The following TENM4 variants were observed in gnomAD, a reference collection of about 807,000 sequenced individuals.
TENM4 encodes the protein teneurin transmembrane protein 4, also known as teneurin-4.
A neutral mutation model predicts 243.3 loss-of-function variants in TENM4; 82 were observed. That is an observed-to-expected ratio of 0.34 (90% CI 0.28 to 0.40). TENM4 has a LOEUF of 0.40. Among genes scored for constraint, TENM4 ranks in the 10% least tolerant of loss-of-function variants. The probability of loss-of-function intolerance (pLI) is 1.00; values close to 1 mark genes in which losing one functional copy is unlikely to be tolerated. For missense variants in TENM4, 3,138 were observed against 3,673.3 expected, an observed-to-expected ratio of 0.85 and a Z score of 3.77; for synonymous variants, 1,412 against 1,456.3, an observed-to-expected ratio of 0.97 and a Z score of 0.69.
intron 1 of TENM4, among the ~76,000 whole-genome samples, chr11:79,400,099 CCA>C (rs71050221): frequency 0.048 from 6,681 of 140,578 alleles, 226 homozygotes; most frequent in East Asian, 0.088. Flanking sequence ...TAAACACACA[CCA>C]CACACACACA....
intron 4 of TENM4, among the ~76,000 whole-genome samples, chr11:79,072,191 A>G (rs1860431018): frequency 6.6e-6 from 1 of 152,296 alleles, no homozygotes; most frequent in South Asian, 2.1e-4. Context: ...CATAATTAGA[A>G]AAACATATTA....
chr11:79,298,729 G>A (rs573015644), intron 1 of TENM4, among the ~76,000 whole-genome samples: 9 of 152,068 alleles, frequency 5.9e-5, no homozygotes, highest in Non-Finnish European at 1.0e-4. Context: ...GAGTTTACAG[G>A]GAAGAAAACT....
chr11:79,064,586 C>T (rs1418658765), intron 6 of TENM4, 152 bp downstream of exon 6: 14 of 1,055,486 alleles, frequency 1.3e-5, no homozygotes, highest in Non-Finnish European at 1.9e-5. Flanking sequence ...TCACGTGACT[C>T]TCCAAGAGAC....
At chr11:79,369,470 G>A (rs1857741232) in intron 1 of TENM4, among the ~76,000 whole-genome samples, 1 of 152,142 alleles carries the variant, frequency 6.6e-6, no homozygotes, top group South Asian at 2.1e-4. Flanking sequence ...AAGAAATGGA[G>A]AGGAACAGAG....
intron 29 of TENM4, among the ~76,000 whole-genome samples, chr11:78,685,848 G>A (rs537868505): frequency 8.8e-4 from 134 of 152,346 alleles, no homozygotes; most frequent in Non-Finnish European, 1.1e-3. Flanking sequence ...AATCCAGTCA[G>A]AGCATAAATC....
chr11:79,126,676 G>A lies in TENM4; in HGVS notation c.-66+22034C>T, dbSNP rs185300950. Among the ~76,000 whole-genome samples, 445 of 152,212 alleles carry A rather than the reference G, an allele frequency of 2.9e-3. 3 individuals are homozygous for A. The highest frequency in any genetic ancestry group is 0.01 in the African/African-American group (418 of 41,550). ...GGTCGAATGGACAAAAGACTAATTT[G>A]AATAATAAAAAAACAGAGAATCATG... On this transcript the variant is annotated intron_variant, in intron 4 of 33. Coordinates refer to ENST00000278550, the MANE Select transcript of TENM4 (RefSeq NM_001098816.3).
At chr11:78,776,822 A>G (rs533382115) in intron 17 of TENM4, among the ~76,000 whole-genome samples, 1 of 152,170 alleles carries the variant, frequency 6.6e-6, no homozygotes, top group South Asian at 2.1e-4. Context: ...CTTCCCAGTA[A>G]GGGTGCCAGT....
chr11:79,295,858 G>GT (rs59506832), intron 2 of TENM4, among the ~76,000 whole-genome samples: 22 of 146,150 alleles, frequency 1.5e-4, no homozygotes, highest in Admixed American at 2.7e-4. Context: ...ACCCGTAAGT[G>GT]TTTTTTTTTT....
At position 78,722,806 on chromosome 11, in the gene TENM4, T is replaced by C. The variant is rs543381484; in HGVS notation, c.3662A>G (p.Asn1221Ser). Residue 1221 changes from asparagine to serine, a missense_variant, in exon 24 of 34, where the codon AAC becomes AGC. Transcript: ENST00000278550. ...RRRSISCPSCNGLADGNKLLA... is the reference protein window; with the variant it reads ...RRRSISCPSCSGLADGNKLLA... The stretch of plus-strand genomic sequence containing the variant: ...GAGCTTGTTGCCGTCAGCAAGGCCG[T>C]TGCAGCTGGGGCAGGAGATGCTTCT... The C allele has an allele frequency of 5.6e-6, 9 of 1,614,036 alleles. No homozygotes were observed. Among genetic ancestry groups the C allele is most frequent in the East Asian group, 2.2e-5 (1 of 44,882 alleles).
In TENM4 at chr11:79,204,259, G is replaced by T. The variant is rs150754062; in HGVS notation, c.-163+11549C>A. Among the ~76,000 whole-genome samples, 108 of 152,178 alleles carry T rather than the reference G, an allele frequency of 7.1e-4. No homozygotes were observed. The East Asian group carries it at 0.019, about 27-fold the overall frequency. On this transcript the variant is annotated intron_variant, in intron 3 of 33. Transcript: ENST00000278550. ...ACTGAATTGTACACTTTAAATGACT[G>T]TATGTATATGTCAATTATGTCTAAA...
chr11:78,998,456 C>G (rs1030115063), intron 6 of TENM4, among the ~76,000 whole-genome samples: 1 of 152,140 alleles, frequency 6.6e-6, no homozygotes, highest in East Asian at 1.9e-4. Context: ...ATCATCTCTT[C>G]TCAAAAGGAA....
chr11:79,139,778 ATATATAT>A (rs1453055494), intron 4 of TENM4, among the ~76,000 whole-genome samples: 35,755 of 55,388 alleles, frequency 0.65, 12,597 homozygotes, highest in Middle Eastern at 0.82. Flanking sequence ...TAAATATATA[ATATATAT>A]TATATTTATA....
Position 79,361,767 on chromosome 11 carries a change from G to GA in TENM4, c.-320-64225dup, listed in dbSNP as rs147994375. Among the ~76,000 whole-genome samples the GA allele has an allele frequency of 3.9e-3, 578 of 149,672 alleles. 3 individuals are homozygous for GA. Among genetic ancestry groups the GA allele is most frequent in the Middle Eastern group, 3.4e-3 (1 of 294 alleles). ...TAGATGGAAAATAAATATCGCAACAGAAAAAAAAAATACAGAGACTATGTA... is the reference window on the plus strand; with the variant it reads ...TAGATGGAAAATAAATATCGCAACAGAAAAAAAAAAATACAGAGACTATGTA... On this transcript the variant is annotated intron_variant, in intron 1 of 33. Transcript: ENST00000278550.
chr11:79,061,288 T>C (rs1361560490), intron 6 of TENM4, among the ~76,000 whole-genome samples: 1 of 152,176 alleles, frequency 6.6e-6, no homozygotes, highest in Non-Finnish European at 1.5e-5. Flanking sequence ...CAGGAGCAAG[T>C]AGACAGCCTT....
At chr11:78,706,699 G>A (rs1276653686) in intron 27 of TENM4, among the ~76,000 whole-genome samples, 1 of 152,138 alleles carries the variant, frequency 6.6e-6, no homozygotes, top group Non-Finnish European at 1.5e-5. Context: ...TGATCCGGCT[G>A]CTTGGCAGTA....
intron 6 of TENM4, among the ~76,000 whole-genome samples, chr11:78,922,008 G>A (rs996498387): frequency 1.3e-5 from 2 of 152,268 alleles, no homozygotes; most frequent in Admixed American, 6.5e-5. Context: ...ACCAGATGCA[G>A]TGTGGGAACT....
intron 9 of TENM4, among the ~76,000 whole-genome samples, chr11:78,880,457 T>TAAAAAAAA (rs71763484): frequency 9.0e-4 from 94 of 104,574 alleles, no homozygotes; most frequent in African/African-American, 4.8e-3. Flanking sequence ...CAATAAATAC[T>TAAAAAAAA]AAAAAAAAAA....
chr11:78,878,098 C>G (rs1383134988), intron 9 of TENM4, among the ~76,000 whole-genome samples: 3 of 152,200 alleles, frequency 2.0e-5, no homozygotes, highest in African/African-American at 7.2e-5. Context: ...TTTTCACTCA[C>G]TGATATACAC....
intron 6 of TENM4, among the ~76,000 whole-genome samples, chr11:78,907,657 A>T (rs879581621): frequency 3.3e-5 from 5 of 152,134 alleles, no homozygotes; most frequent in Non-Finnish European, 5.9e-5. Flanking sequence ...ATTTCTTTCC[A>T]TATCCCCAGC....
Sources: allele counts gnomAD v4.1 joint callset (sites outside exome capture counted in the v4.1 genomes callset), GRCh38; gene constraint gnomAD v4.1.1; transcripts MANE v1.5; gene names NCBI Gene and HGNC (gene_info 2026-07-23, HGNC 2026-07-21).